The following LHFPL5 variants were observed in gnomAD, a reference collection of about 807,000 sequenced individuals.
LHFPL5 encodes LHFPL tetraspan subfamily member 5, also known as LHFPL tetraspan subfamily member 5 protein.
Under a neutral mutation model 18.7 loss-of-function variants are expected in LHFPL5, and 12 were observed. That is an observed-to-expected ratio of 0.64 (90% CI 0.41 to 1.04). LHFPL5 has a LOEUF of 1.04. Among genes scored for constraint, LHFPL5 ranks in the 50% least tolerant of loss-of-function variants. The pLI is 0.00. For missense variants in LHFPL5, 259 were observed against 292.1 expected (o/e 0.89, Z 0.83); for synonymous variants, 111 against 120.2 (o/e 0.92, Z 0.50).
At chr6:35,813,465 G>A (rs1215970373) in intron 1 of LHFPL5, among the ~76,000 whole-genome samples, 1 of 151,852 alleles carries the variant, frequency 6.6e-6, no homozygotes, top group Non-Finnish European at 1.5e-5. Flanking sequence ...GGATGGTCTC[G>A]ATCTCCTGAC....
Position 35,816,302 on chromosome 6 carries a change from C to T in LHFPL5, c.649+1520C>T, listed in dbSNP as rs578066945. 3.9e-3 allele frequency among the ~76,000 whole-genome samples: 561 copies of T among 142,560 alleles called. 3 individuals are homozygous for T. The highest frequency in any genetic ancestry group is 2.6e-3 in the Non-Finnish European group (171 of 66,252). The allele number at this position is 142,560 out of a possible 152,430, so 93.5% of individuals were successfully genotyped here. On this transcript the variant is annotated intron_variant, in intron 2 of 3. Transcript: ENST00000360215. ...CAGAGGTTGAAGTGAGCTGAGATCG[C>T]GCCACTGCACTCCAGCCTGGACGAC... is the stretch of plus-strand genomic sequence containing the variant.
intron 3 of LHFPL5, among the ~76,000 whole-genome samples, chr6:35,821,365 C>T (rs1245627205): frequency 2.6e-5 from 4 of 151,270 alleles, no homozygotes; most frequent in Admixed American, 6.6e-5. Context: ...GGGCCGTAGA[C>T]CCTGCATTTC....
chr6:35,820,700 A>AAAATAAAT (rs10682489), intron 3 of LHFPL5, among the ~76,000 whole-genome samples: 3,192 of 148,292 alleles, frequency 0.022, 88 homozygotes, highest in African/African-American at 0.073. Context: ...ACTCCATCTC[A>AAAATAAAT]AAATAAATAA....
chr6:35,816,050 A>G (rs941028782), intron 2 of LHFPL5, among the ~76,000 whole-genome samples: 3 of 152,076 alleles, frequency 2.0e-5, no homozygotes, highest in African/African-American at 7.2e-5. Flanking sequence ...GGGCGCCTGT[A>G]GTCCCAGCTA....
chr6:35,808,297 T>TTATA (rs143892427), intron 1 of LHFPL5, among the ~76,000 whole-genome samples: 5,508 of 142,028 alleles, frequency 0.039, 198 homozygotes, highest in African/African-American at 0.1. Flanking sequence ...TATCTCTATT[T>TTATA]TATATATATA....
chr6:35,823,368 CATACACACACACATATAT>C lies in LHFPL5; in HGVS notation c.*417_*434del, dbSNP rs766081797. 0.035 allele frequency: 4,737 copies of C among 137,024 alleles called. 122 individuals carry two copies. The highest frequency in any genetic ancestry group is 0.063 in the Middle Eastern group (18 of 284). The allele number at this position is 137,024 out of a possible 1,614,324, so 8.5% of individuals were successfully genotyped here. On this transcript the variant is annotated 3_prime_UTR_variant, in exon 4 of 4. Transcript: ENST00000360215. ...TCCCTCCCAGGTCTGTGTCTGATAG[CATACACACACACATATAT>C]ATACACACACACACACACACACACA... is the stretch of plus-strand genomic sequence containing the variant.
intron 1 of LHFPL5, among the ~76,000 whole-genome samples, chr6:35,813,299 G>A (rs1289557631): frequency 7.4e-6 from 1 of 134,436 alleles, no homozygotes; most frequent in Non-Finnish European, 1.5e-5. Context: ...AGGCTGGAGT[G>A]CAGGGGCGCC....
chr6:35,821,086 C>T (rs1242831144), intron 3 of LHFPL5, among the ~76,000 whole-genome samples: 1 of 152,034 alleles, frequency 6.6e-6, no homozygotes, highest in Non-Finnish European at 1.5e-5. Context: ...GGCAGATCAC[C>T]TGAGGTCAGG....
At chr6:35,817,958 G>A (rs970889104) in intron 2 of LHFPL5, among the ~76,000 whole-genome samples, 3 of 152,186 alleles carry the variant, frequency 2.0e-5, no homozygotes, top group Admixed American at 2.0e-4. Flanking sequence ...GTGGTTTTTA[G>A]TATATTCCAT....
chr6:35,818,345 ATATGTAT>A (rs1176888069), intron 2 of LHFPL5, among the ~76,000 whole-genome samples: 1 of 5,254 alleles, frequency 1.9e-4, no homozygotes, highest in Non-Finnish European at 4.9e-4. Flanking sequence ...ATATATATAT[ATATGTAT>A]TTTTTTTTTT....
At position 35,805,737 on chromosome 6, in the gene LHFPL5, C is replaced by T. The variant is rs772625777; in HGVS notation, c.67C>T (p.Arg23Ter). The T allele has an allele frequency of 6.2e-7, 1 of 1,614,196 alleles. No individual in the cohort carries two copies. Among genetic ancestry groups the T allele is most frequent in the Non-Finnish European group, 8.5e-7 (1 of 1,180,022 alleles). ...IYHTNYVRNS[R>*]AVGVMWGTLT... ...CCATACCAACTATGTGCGGAACTCG[C>T]GAGCCGTGGGCGTGATGTGGGGTAC... The change falls in exon 1 of 4, where the codon CGA becomes TGA. Residue 23 changes from arginine to a stop codon, truncating the protein, a stop_gained. Coordinates refer to ENST00000360215, the MANE Select transcript of LHFPL5 (RefSeq NM_182548.4). LOFTEE classifies it high-confidence loss of function. The surrounding 1 kb of genome is among the most constrained non-coding windows in gnomAD (Gnocchi z 4.3).
intron 3 of LHFPL5, among the ~76,000 whole-genome samples, chr6:35,820,516 T>C (rs952978974): frequency 4.0e-5 from 6 of 151,646 alleles, no homozygotes; most frequent in South Asian, 2.1e-4. Flanking sequence ...CTGGCTAACA[T>C]GGTGAAACCC....
intron 1 of LHFPL5, among the ~76,000 whole-genome samples, chr6:35,807,611 T>A (rs1230795903): frequency 6.6e-6 from 1 of 152,156 alleles, no homozygotes; most frequent in Non-Finnish European, 1.5e-5. Flanking sequence ...GAAACAGGCA[T>A]CTGAATCCCA....
chr6:35,809,482 T>G (rs1768628457), intron 1 of LHFPL5, among the ~76,000 whole-genome samples: 1 of 152,154 alleles, frequency 6.6e-6, no homozygotes, highest in Admixed American at 6.6e-5. Context: ...GTCCCTTTTA[T>G]GTATTTATTT....
chr6:35,809,155 G>A (rs145973505), intron 1 of LHFPL5, among the ~76,000 whole-genome samples: 3 of 152,318 alleles, frequency 2.0e-5, no homozygotes, highest in African/African-American at 7.2e-5. Flanking sequence ...GGTGCCAGGT[G>A]TAGGCTGGGA....
In LHFPL5 at chr6:35,806,824, G is replaced by A. The variant is rs1278178768; in HGVS notation, c.412+742G>A. Among the ~76,000 whole-genome samples the A allele has an allele frequency of 3.3e-5, 5 of 152,010 alleles. No individual in the cohort carries two copies. In the East Asian group the frequency reaches 5.8e-4, roughly 18 times the overall value. On this transcript the variant is annotated intron_variant, in intron 1 of 3. Coordinates refer to ENST00000360215, the MANE Select transcript of LHFPL5 (RefSeq NM_182548.4). ...TATTTAGGGTCCTTTTGTTGTTGTT[G>A]TTGTTTGTTTGTTTTTTGAGACAGA...
intron 2 of LHFPL5, among the ~76,000 whole-genome samples, chr6:35,818,347 A>AT (rs1561955706): frequency 2.0e-4 from 1 of 5,096 alleles, no homozygotes; most frequent in African/African-American, 4.6e-4. Flanking sequence ...ATATATATAT[A>AT]TGTATTTTTT....
chr6:35,817,476 C>T (rs970818238), intron 2 of LHFPL5, among the ~76,000 whole-genome samples: 4 of 151,888 alleles, frequency 2.6e-5, no homozygotes, highest in Non-Finnish European at 5.9e-5. Context: ...ATCTAGAATC[C>T]AGAATATATT....
rs763639486 is a variant in LHFPL5, at chr6:35,821,857, ATTTTTTTTTT to A, written c.*17-1100_*17-1091del. Among the ~76,000 whole-genome samples the A allele has an allele frequency of 8.4e-4, 33 of 39,160 alleles. 1 individual carries two copies. Among genetic ancestry groups the A allele is most frequent in the Admixed American group, 1.9e-3 (4 of 2,140 alleles). The allele number at this position is 39,160 out of a possible 152,430, so 25.7% of individuals were successfully genotyped here. A position where few individuals can be genotyped will look rare whatever the true frequency, so the allele number is the denominator to read the frequency against. On this transcript the variant is annotated intron_variant, in intron 3 of 3. Transcript: ENST00000360215. ...AACTCCACAGCACTGGTGTACCACA[ATTTTTTTTTT>A]TTTTTTTTTTTTTTTTTTTTTTTTG...
Sources: gnomAD v4.1 joint callset for allele counts (sites outside exome capture counted in the v4.1 genomes callset) on GRCh38, gnomAD v4.1.1 for gene constraint, Gnocchi (gnomAD v3.1) non-coding constraint, MANE v1.5 for transcripts, NCBI Gene and HGNC (gene_info 2026-07-23, HGNC 2026-07-21) for gene names.